The following FAP variants were observed in gnomAD, a reference collection of about 807,000 sequenced individuals.
FAP encodes the protein prolyl endopeptidase FAP.
FAP carries 110 observed loss-of-function variants against 126.5 expected under a neutral mutation model. The ratio of observed to expected loss-of-function variants is 0.87; its 90% CI spans 0.74 to 1.02. FAP has a LOEUF of 1.02. FAP is among the 50% of genes least tolerant of loss of function. The pLI, the probability that FAP is intolerant of heterozygous loss-of-function variation, is 0.00. For synonymous variants in FAP, 334 were observed against 297.3 expected (o/e 1.12, Z -1.27); for missense variants, 919 against 909.2 (o/e 1.01, Z -0.14).
intron 6 of FAP, among the ~76,000 whole-genome samples, chr2:162,222,943 G>C (rs1030703381): frequency 6.6e-6 from 1 of 151,828 alleles, no homozygotes; most frequent in African/African-American, 2.4e-5. Context: ...TATTCTTCTT[G>C]CTGCCAGAAA....
chr2:162,202,755 G>T, intron 14 of FAP, 117 bp downstream of exon 14: 1 of 676,354 alleles, frequency 1.5e-6, no homozygotes, highest in Non-Finnish European at 2.5e-6. Flanking sequence ...ACTCACAACT[G>T]TCTGAATTAT....
At chr2:162,234,667 A>G (rs563612923) in intron 2 of FAP, among the ~76,000 whole-genome samples, 1 of 152,326 alleles carries the variant, frequency 6.6e-6, no homozygotes, top group African/African-American at 2.4e-5. Flanking sequence ...TCTTAGCAGG[A>G]AAACAGTGTT....
Position 162,219,121 on chromosome 2 carries a change from TATTTGAAAAGGTGGA to T in FAP, c.534_548del (p.Asp178_Ile183delinsGlu). 1 of 1,606,822 alleles carries T rather than the reference TATTTGAAAAGGTGGA, an allele frequency of 6.2e-7. No homozygotes were observed. Among genetic ancestry groups the T allele is most frequent in the Non-Finnish European group, 8.5e-7 (1 of 1,175,334 alleles). On this transcript the variant is annotated inframe_deletion, in exon 8 of 26. Coordinates refer to ENST00000188790, the MANE Select transcript of FAP (RefSeq NM_004460.5). ...TTTTATTTTCTCTTCCATTAAATGTTATTTGAAAAGGTGGATCTCCTGGTCTTTGTTTCAAATAGA... is the reference window on the plus strand; with the variant it reads ...TTTTATTTTCTCTTCCATTAAATGTTTCTCCTGGTCTTTGTTTCAAATAGA...
At chr2:162,231,703 C>A (rs1689907777) in intron 2 of FAP, among the ~76,000 whole-genome samples, 1 of 152,142 alleles carries the variant, frequency 6.6e-6, no homozygotes, top group South Asian at 2.1e-4. Context: ...ATTTACTATT[C>A]TCTTAATTCT....
At chr2:162,182,485 G>C (rs1687725858) in intron 21 of FAP, among the ~76,000 whole-genome samples, 2 of 152,182 alleles carry the variant, frequency 1.3e-5, no homozygotes, top group Non-Finnish European at 2.9e-5. Flanking sequence ...CAAATGGCTT[G>C]AAGTAACAAC....
intron 6 of FAP, among the ~76,000 whole-genome samples, chr2:162,221,215 C>A (rs569852700): frequency 5.9e-5 from 9 of 152,048 alleles, no homozygotes; most frequent in Non-Finnish European, 1.3e-4. Context: ...TGATCGGGAA[C>A]ATGTTGAAAG....
At chr2:162,179,555 C>G (rs1318653675) in intron 21 of FAP, among the ~76,000 whole-genome samples, 1 of 151,986 alleles carries the variant, frequency 6.6e-6, no homozygotes, top group African/African-American at 2.4e-5. Context: ...AACTAACAGA[C>G]AGACAAGACA....
At position 162,194,746 on chromosome 2, in the gene FAP, G is replaced by A; in HGVS notation, c.1405C>T (p.Pro469Ser). 2 of 1,613,476 alleles carry A rather than the reference G, an allele frequency of 1.2e-6. No homozygotes were observed. Among genetic ancestry groups the A allele is most frequent in the Non-Finnish European group, 1.7e-6 (2 of 1,179,584 alleles). ...TGAAGGGTGGAAATGGGGATGCCTGGGCCTGTGGGCAGGATGAAAACAAAA... is the reference window on the plus strand; with the variant it reads ...TGAAGGGTGGAAATGGGGATGCCTGAGCCTGTGGGCAGGATGAAAACAAAA... ...AKYYALVCYG[P>S]GIPISTLHDG... Residue 469 changes from proline to serine, a missense_variant and splice_region_variant, in exon 17 of 26, where the codon CCA (proline) becomes TCA (serine). Transcript: ENST00000188790.
intron 25 of FAP, chr2:162,172,605 G>T: frequency 1.9e-6 from 1 of 516,018 alleles, no homozygotes; most frequent in Non-Finnish European, 3.5e-6. Context: ...TGACTCAACT[G>T]GGAACACGAG....
intron 21 of FAP, among the ~76,000 whole-genome samples, chr2:162,182,439 T>C (rs1475997854): frequency 6.6e-6 from 1 of 152,188 alleles, no homozygotes; most frequent in Non-Finnish European, 1.5e-5. Flanking sequence ...TTTCATTCTG[T>C]TTAGATATTT....
chr2:162,181,312 T>C (rs868538707), intron 21 of FAP, among the ~76,000 whole-genome samples: 2 of 151,930 alleles, frequency 1.3e-5, no homozygotes, highest in African/African-American at 4.8e-5. Flanking sequence ...GTAACAATCA[T>C]AGAGGCACAG....
At chr2:162,192,882 T>C (rs186211754) in intron 17 of FAP, among the ~76,000 whole-genome samples, 1 of 152,230 alleles carries the variant, frequency 6.6e-6, no homozygotes, top group East Asian at 1.9e-4. Context: ...TAGTAAACAT[T>C]TCCTAACCCC....
intron 12 of FAP, among the ~76,000 whole-genome samples, chr2:162,206,256 G>A (rs1016883255): frequency 5.3e-5 from 8 of 152,232 alleles, no homozygotes; most frequent in African/African-American, 1.7e-4. Context: ...AGTCACACCT[G>A]GACCCTAGAT....
chr2:162,212,998 G>T (rs1689006291), intron 11 of FAP, among the ~76,000 whole-genome samples: 1 of 152,126 alleles, frequency 6.6e-6, no homozygotes. Context: ...TACATGTCGG[G>T]TACTGTCCTA....
chr2:162,184,004 T>C (rs1687779980), intron 20 of FAP, among the ~76,000 whole-genome samples: 1 of 152,142 alleles, frequency 6.6e-6, no homozygotes, highest in African/African-American at 2.4e-5. Flanking sequence ...ATGGAAATAA[T>C]TCCTTTTTAG....
chr2:162,229,355 A>G (rs934729928), intron 2 of FAP, among the ~76,000 whole-genome samples: 1 of 152,166 alleles, frequency 6.6e-6, no homozygotes, highest in Non-Finnish European at 1.5e-5. Context: ...ATGTTTCCCA[A>G]GCAGATTTGT....
chr2:162,171,158 G>T, intron 25 of FAP, 78 bp from the exon 26 acceptor site: 1 of 1,012,486 alleles, frequency 9.9e-7, no homozygotes. Context: ...TGTGCTCTCA[G>T]GACCTGATAA....
chr2:162,214,221 G>A (rs995292711), intron 10 of FAP, 148 bp from the exon 11 acceptor site: 5 of 581,732 alleles, frequency 8.6e-6, no homozygotes, highest in Non-Finnish European at 8.1e-6. Context: ...CCTTTCTCTG[G>A]AGAGAAAGTT....
chr2:162,242,756 C>A, intron 2 of FAP, 152 bp downstream of exon 2: 2 of 621,338 alleles, frequency 3.2e-6, no homozygotes, highest in Non-Finnish European at 5.8e-6. Flanking sequence ...TCTTGCACAA[C>A]AACATATCTG....
Sources: gnomAD v4.1 joint callset for allele counts (sites outside exome capture counted in the v4.1 genomes callset) on GRCh38, gnomAD v4.1.1 for gene constraint, MANE v1.5 for transcripts, NCBI Gene and HGNC (gene_info 2026-07-23, HGNC 2026-07-21) for gene names.